The following MYO5B variants were observed in gnomAD, a reference collection of about 807,000 sequenced individuals.
The protein encoded by MYO5B is myosin VB.
A neutral mutation model predicts 229.3 loss-of-function variants in MYO5B; 143 were observed. The observed-to-expected ratio is 0.62, with a 90% CI of 0.54 to 0.72. The LOEUF is 0.72. Ranked by LOEUF, MYO5B falls within the 30% of genes least tolerant of loss-of-function variation. The pLI, the probability that MYO5B is intolerant of heterozygous loss-of-function variation, is 0.00. For missense variants in MYO5B, 2,321 were observed against 2,331.0 expected (o/e 1.00, Z 0.09); for synonymous variants, 918 against 885.2 (o/e 1.04, Z -0.66).
rs529724254 is a variant in MYO5B, at chr18:49,934,514, G to A, written c.2003+1738C>T. 7.2e-5 allele frequency among the ~76,000 whole-genome samples: 11 copies of A among 152,356 alleles called. No individual in the cohort carries two copies. In the East Asian group the frequency reaches 1.9e-3, roughly 27 times the overall value. On this transcript the variant is annotated intron_variant, in intron 16 of 39. Coordinates refer to ENST00000285039, the MANE Select transcript of MYO5B (RefSeq NM_001080467.3). ...TCCCACAGCAGGGACACGCTCTGAT[G>A]AGGGAAAGGCCCAAGGCCACAGCTG...
intron 1 of MYO5B, among the ~76,000 whole-genome samples, chr18:50,123,097 C>T (rs1378343729): frequency 6.6e-6 from 1 of 152,308 alleles, no homozygotes; most frequent in East Asian, 1.9e-4. Context: ...GGAGAAAATG[C>T]GGTACATCCC....
chr18:49,948,734 T>C (rs1175841505), intron 14 of MYO5B, among the ~76,000 whole-genome samples: 1 of 152,142 alleles, frequency 6.6e-6, no homozygotes, highest in Non-Finnish European at 1.5e-5. Flanking sequence ...CATGTGTACT[T>C]GTCATTCCTT....
intron 30 of MYO5B, among the ~76,000 whole-genome samples, chr18:49,855,712 C>T (rs2024254461): frequency 6.6e-6 from 1 of 152,246 alleles, no homozygotes; most frequent in South Asian, 2.1e-4. Flanking sequence ...ACCATGTCAC[C>T]TTGCTCACAG....
At chr18:50,065,364 C>T in intron 1 of MYO5B, among the ~76,000 whole-genome samples, 1 of 152,130 alleles carries the variant, frequency 6.6e-6, no homozygotes, top group Non-Finnish European at 1.5e-5. Flanking sequence ...GCCTGGGTAA[C>T]TTATAAGGGA....
rs1198520305 is a variant in MYO5B, at chr18:49,826,481, T to A, written c.5537A>T (p.Asn1846Ile). 6.2e-7 allele frequency: 1 copy of A among 1,613,800 alleles called. No individual in the cohort carries two copies. Among genetic ancestry groups the A allele is most frequent in the African/African-American group, 1.3e-5 (1 of 74,908 alleles). ...IPACLNLEFL[N>I]EV ...TGGAAACATGCATCTTCAGACTTCATTGAGGAATTCCAGATTGAGACACGC... is the reference window on the plus strand; with the variant it reads ...TGGAAACATGCATCTTCAGACTTCAATGAGGAATTCCAGATTGAGACACGC... Residue 1846 changes from asparagine (N) to isoleucine (I), a missense_variant, in exon 40 of 40, where the codon AAT becomes ATT. This residue lies in a region of MYO5B where 208 missense variants were observed against 286.3 expected (regional missense o/e 0.73). Coordinates refer to ENST00000285039, the MANE Select transcript of MYO5B (RefSeq NM_001080467.3).
At chr18:49,912,360 G>C (rs1303713107) in intron 17 of MYO5B, among the ~76,000 whole-genome samples, 187 bp from the exon 18 acceptor site, 2 of 152,148 alleles carry the variant, frequency 1.3e-5, no homozygotes, top group Non-Finnish European at 2.9e-5. Context: ...CACTGTGAAT[G>C]TGATTCTTGG....
At chr18:50,089,597 A>AACAAAT (rs1568102276) in intron 1 of MYO5B, among the ~76,000 whole-genome samples, 6 of 151,368 alleles carry the variant, frequency 4.0e-5, no homozygotes, top group Non-Finnish European at 8.8e-5. Flanking sequence ...AAAAATCAAA[A>AACAAAT]AATTAGCCAG....
At chr18:50,073,306 C>T (rs2144452682) in intron 1 of MYO5B, among the ~76,000 whole-genome samples, 1 of 152,192 alleles carries the variant, frequency 6.6e-6, no homozygotes, top group Middle Eastern at 3.4e-3. Flanking sequence ...AAACTCTGCA[C>T]CCAGATGGAA....
At chr18:49,841,274 A>T (rs1353505571) in intron 35 of MYO5B, 91 bp downstream of exon 35, 2 of 1,215,398 alleles carry the variant, frequency 1.6e-6, no homozygotes, top group Non-Finnish European at 2.4e-6. Flanking sequence ...TGCTCCAAAG[A>T]CCCCACTGAC....
intron 1 of MYO5B, among the ~76,000 whole-genome samples, chr18:50,096,414 AG>A (rs1466370900): frequency 1.3e-5 from 2 of 152,106 alleles, no homozygotes; most frequent in Non-Finnish European, 2.9e-5. Flanking sequence ...GTGAAGGCCA[AG>A]GTTGTCTTGC....
chr18:49,894,969 T>A lies in MYO5B; in HGVS notation c.3017A>T (p.His1006Leu). ...CCTCAGCTCATCTTTCTCCCTGCTGTGGGCGTCCTCCAAGATCTTGCGCTC... is the reference window on the plus strand; with the variant it reads ...CCTCAGCTCATCTTTCTCCCTGCTGAGGGCGTCCTCCAAGATCTTGCGCTC... ...HSERKILEDA[H>L]SREKDELRKR... Residue 1006 changes from histidine to leucine, a missense_variant, in exon 22 of 40, where the codon CAC becomes CTC. This residue lies in a region of MYO5B where 2,113 missense variants were observed against 2,044.7 expected (regional missense o/e 1.03). Transcript: ENST00000285039. 1 of 1,613,524 alleles carries A rather than the reference T, an allele frequency of 6.2e-7. No individual in the cohort carries two copies. The highest frequency in any genetic ancestry group is 1.1e-5 in the South Asian group (1 of 91,074).
intron 17 of MYO5B, among the ~76,000 whole-genome samples, chr18:49,925,685 C>T (rs2025121431): frequency 1.3e-5 from 2 of 152,176 alleles, no homozygotes; most frequent in Admixed American, 6.5e-5. Context: ...AGCAGGAGTG[C>T]AGCCAGGAGC....
intron 21 of MYO5B, among the ~76,000 whole-genome samples, chr18:49,899,008 C>T (rs2024812197): frequency 1.3e-5 from 2 of 152,146 alleles, no homozygotes; most frequent in Admixed American, 6.5e-5. Context: ...AGATCTCAGG[C>T]GAATCCCCTT....
At chr18:49,854,427 G>A (rs1047717784) in intron 30 of MYO5B, among the ~76,000 whole-genome samples, 1 of 152,320 alleles carries the variant, frequency 6.6e-6, no homozygotes, top group African/African-American at 2.4e-5. Context: ...CATAATAGAA[G>A]GCAAGAGATT....
At chr18:49,864,061 GT>G in intron 28 of MYO5B, 79 bp downstream of exon 28, 1 of 1,581,924 alleles carries the variant, frequency 6.3e-7, no homozygotes. Context: ...ACCCTCGTGG[GT>G]AAAGATAATT....
At chr18:49,974,777 T>TCACACACACACACACACACACA (rs1568054668) in intron 9 of MYO5B, among the ~76,000 whole-genome samples, 162 bp from the exon 10 acceptor site, 1 of 8,846 alleles carries the variant, frequency 1.1e-4, no homozygotes, top group Admixed American at 3.0e-3. Context: ...CAGCAGTCTC[T>TCACACACACACACACACACACA]CTCACACACA....
intron 32 of MYO5B, among the ~76,000 whole-genome samples, chr18:49,849,053 A>ACAGTGTG (rs2024166942): frequency 6.6e-6 from 1 of 151,982 alleles, no homozygotes; most frequent in Non-Finnish European, 1.5e-5. Context: ...GCAGGGTGAC[A>ACAGTGTG]TATGTAAAGA....
chr18:50,010,486 A>C (rs2026150221), intron 4 of MYO5B, among the ~76,000 whole-genome samples: 1 of 152,236 alleles, frequency 6.6e-6, no homozygotes, highest in Admixed American at 6.5e-5. Context: ...CCTTGCTCTT[A>C]AAATAAGGGT....
At chr18:49,944,736 G>A (rs1203761224) in intron 14 of MYO5B, among the ~76,000 whole-genome samples, 1 of 152,038 alleles carries the variant, frequency 6.6e-6, no homozygotes, top group East Asian at 1.9e-4. Context: ...TATCCACCAA[G>A]CATACAGCTA....
Sources: gnomAD v4.1 joint callset for allele counts (sites outside exome capture counted in the v4.1 genomes callset) on GRCh38, gnomAD v4.1.1 for gene constraint, gnomAD v4.1.1 regional missense constraint, MANE v1.5 for transcripts, NCBI Gene and HGNC (gene_info 2026-07-23, HGNC 2026-07-21) for gene names.